YWHAE: variants seen among roughly 807,000 people sequenced by gnomAD.
The protein encoded by YWHAE is tyrosine 3-monooxygenase/tryptophan 5-monooxygenase activation protein epsilon.
A neutral mutation model predicts 30.1 loss-of-function variants in YWHAE; 4 were observed. The observed-to-expected ratio is 0.13, with a 90% CI of 0.07 to 0.30. The LOEUF (loss-of-function observed/expected upper bound fraction) is 0.30, where lower values mean the gene tolerates loss of function less well. Among genes scored for constraint, YWHAE ranks in the 10% least tolerant of loss-of-function variants. The pLI, the probability that YWHAE is intolerant of heterozygous loss-of-function variation, is 1.00. For synonymous variants in YWHAE, 118 were observed against 111.8 expected (o/e 1.06, Z -0.35); for missense variants, 121 against 315.9 (o/e 0.38, Z 4.68).
At chr17:1,371,133 G>T (rs778191244) in intron 1 of YWHAE, among the ~76,000 whole-genome samples, 18 of 151,984 alleles carry the variant, frequency 1.2e-4, no homozygotes, top group Non-Finnish European at 2.2e-4. Context: ...CACCCAAGAT[G>T]ATACAGTGGC....
chr17:1,359,812 T>TTGTGTGTG lies in YWHAE; in HGVS notation c.578+1272_578+1279dup, dbSNP rs59650315. On this transcript the variant is annotated intron_variant, in intron 4 of 5. Transcript: ENST00000264335. ...CAATGTATTCGGTGCCACTAAATTG[T>TTGTGTGTG]TGTGTGTGTGTGTGTGTGTGTGTGT... is the stretch of plus-strand genomic sequence containing the variant. 8.8e-3 allele frequency among the ~76,000 whole-genome samples: 1,147 copies of TTGTGTGTG among 130,688 alleles called. 14 individuals carry two copies. Among genetic ancestry groups the TTGTGTGTG allele is most frequent in the African/African-American group, 0.023 (773 of 33,684 alleles). The allele number at this position is 130,688 out of a possible 152,430, so 85.7% of individuals were successfully genotyped here. A position where few individuals can be genotyped will look rare whatever the true frequency, so the allele number is the denominator to read the frequency against.
intron 5 of YWHAE, among the ~76,000 whole-genome samples, chr17:1,347,710 G>A (rs1338485640): frequency 2.6e-5 from 4 of 152,100 alleles, no homozygotes; most frequent in Non-Finnish European, 5.9e-5. Context: ...ACAAACACTA[G>A]AACACAACTC....
chr17:1,364,688 G>T, intron 2 of YWHAE, 171 bp downstream of exon 2: 2 of 819,070 alleles, frequency 2.4e-6, no homozygotes, highest in South Asian at 1.8e-5. Context: ...GCATAGCCAC[G>T]GGTAAGTTTA....
intron 1 of YWHAE, among the ~76,000 whole-genome samples, chr17:1,389,172 C>G (rs1415471359): frequency 6.6e-6 from 1 of 152,182 alleles, no homozygotes; most frequent in African/African-American, 2.4e-5. Flanking sequence ...CACTATGTTG[C>G]CCAGGCTGGT....
intron 1 of YWHAE, among the ~76,000 whole-genome samples, chr17:1,383,746 G>C (rs1223453084): frequency 2.0e-5 from 3 of 152,026 alleles, no homozygotes; most frequent in South Asian, 4.1e-4. Flanking sequence ...CTGCACAATC[G>C]TAAGTTGCTA....
At chr17:1,361,841 G>A in intron 3 of YWHAE, 61 bp downstream of exon 3, 2 of 1,127,016 alleles carry the variant, frequency 1.8e-6, no homozygotes, top group East Asian at 2.5e-5. Context: ...ATAGAACAAA[G>A]TTATGGTTCT....
intron 5 of YWHAE, among the ~76,000 whole-genome samples, chr17:1,353,132 T>A (rs181582173): frequency 6.6e-6 from 1 of 152,252 alleles, no homozygotes; most frequent in African/African-American, 2.4e-5. Context: ...GCGTTTGCAA[T>A]GAAAACCTCT....
rs977979948 is a variant in YWHAE at position 1,353,648 on chromosome 17, A to G, written c.715+563T>C. Among the ~76,000 whole-genome samples the G allele has an allele frequency of 1.3e-5, 2 of 151,664 alleles. 1 individual carries two copies. The highest frequency in any genetic ancestry group is 1.3e-4 in the Admixed American group (2 of 15,204). The stretch of plus-strand genomic sequence containing the variant: ...CGTGATAACGGGTGCCTGCAACCCC[A>G]GCTACCCTGGGAAGCTGAGGCAGGA... On this transcript the variant is annotated intron_variant, in intron 5 of 5. Transcript: ENST00000264335.
At chr17:1,395,659 G>T (rs1249076590) in intron 1 of YWHAE, among the ~76,000 whole-genome samples, 9 of 152,186 alleles carry the variant, frequency 5.9e-5, no homozygotes, top group African/African-American at 2.2e-4. Context: ...CAAAGAACTG[G>T]TAGTTAATCT....
chr17:1,380,171 T>G (rs1447681167), intron 1 of YWHAE, among the ~76,000 whole-genome samples: 1 of 149,504 alleles, frequency 6.7e-6, no homozygotes, highest in Non-Finnish European at 1.5e-5. Context: ...TGGAGTGCAC[T>G]GGCACGATCT....
chr17:1,389,680 G>A (rs775346124), intron 1 of YWHAE, among the ~76,000 whole-genome samples: 4 of 151,134 alleles, frequency 2.6e-5, no homozygotes, highest in South Asian at 2.1e-4. Flanking sequence ...ACAGGCGCCC[G>A]CTACCACGCC....
intron 4 of YWHAE, among the ~76,000 whole-genome samples, chr17:1,359,925 G>A (rs1298976310): frequency 1.7e-5 from 1 of 59,712 alleles, no homozygotes; most frequent in Non-Finnish European, 3.1e-5. Context: ...CGGGGAGGGG[G>A]AGGGGGGGAG....
intron 1 of YWHAE, among the ~76,000 whole-genome samples, chr17:1,366,198 G>GA (rs141387904): frequency 0.047 from 6,834 of 144,672 alleles, 226 homozygotes; most frequent in Non-Finnish European, 0.069. Flanking sequence ...CCCAGCAACA[G>GA]AGACTCCACC....
intron 1 of YWHAE, among the ~76,000 whole-genome samples, chr17:1,390,517 C>T (rs1383396048): frequency 2.0e-5 from 3 of 152,068 alleles, no homozygotes; most frequent in Non-Finnish European, 4.4e-5. Context: ...CAAATAGTAC[C>T]GACAAGTATT....
intron 1 of YWHAE, among the ~76,000 whole-genome samples, chr17:1,384,127 C>G (rs2073262083): frequency 6.6e-6 from 1 of 152,132 alleles, no homozygotes; most frequent in Non-Finnish European, 1.5e-5. Context: ...CTGCTTGAAC[C>G]CAGGAGGCGA....
intron 1 of YWHAE, among the ~76,000 whole-genome samples, chr17:1,397,659 G>A (rs948697554): frequency 2.0e-5 from 3 of 151,956 alleles, no homozygotes; most frequent in Non-Finnish European, 2.9e-5. Context: ...TTCCACCCCC[G>A]ACACCTGCTA....
At chr17:1,396,510 C>T (rs1034535098) in intron 1 of YWHAE, among the ~76,000 whole-genome samples, 1 of 152,178 alleles carries the variant, frequency 6.6e-6, no homozygotes, top group African/African-American at 2.4e-5. Flanking sequence ...CTTCATCCTA[C>T]CTTCCATGAA....
At chr17:1,382,301 G>A (rs540792860) in intron 1 of YWHAE, among the ~76,000 whole-genome samples, 1 of 150,060 alleles carries the variant, frequency 6.7e-6, no homozygotes, top group East Asian at 2.0e-4. Flanking sequence ...GCCCGCCTCG[G>A]CCTCCCAAAG....
chr17:1,347,074 T>C (rs2072532862), intron 5 of YWHAE, among the ~76,000 whole-genome samples: 1 of 147,796 alleles, frequency 6.8e-6, no homozygotes, highest in African/African-American at 2.5e-5. Context: ...ACGCCTGTAA[T>C]ACCAGCACTT....
Sources: allele counts gnomAD v4.1 joint callset (sites outside exome capture counted in the v4.1 genomes callset), GRCh38; gene constraint gnomAD v4.1.1; transcripts MANE v1.5; gene names NCBI Gene and HGNC (gene_info 2026-07-23, HGNC 2026-07-21).